Variants in TMEM132D observed in about 807,000 individuals in gnomAD.
The protein encoded by TMEM132D is transmembrane protein 132D.
Under a neutral mutation model 62.3 loss-of-function variants are expected in TMEM132D, and 21 were observed. The observed-to-expected ratio is 0.34, with a 90% CI of 0.24 to 0.49. The LOEUF is 0.49. Ranked by LOEUF, TMEM132D falls within the 20% of genes least tolerant of loss-of-function variation. TMEM132D has a pLI of 0.99. For synonymous variants in TMEM132D, 621 were observed against 575.6 expected (o/e 1.08, Z -1.13); for missense variants, 1,346 against 1,402.8 (o/e 0.96, Z 0.65).
At chr12:129,593,141 G>A (rs575812633) in intron 2 of TMEM132D, among the ~76,000 whole-genome samples, 27 of 152,160 alleles carry the variant, frequency 1.8e-4, no homozygotes, top group Admixed American at 1.2e-3. Flanking sequence ...AAGGTTAATC[G>A]TTTAGAAACA....
chr12:129,377,515 A>G (rs1245875018), intron 3 of TMEM132D, among the ~76,000 whole-genome samples: 1 of 152,182 alleles, frequency 6.6e-6, no homozygotes, highest in Non-Finnish European at 1.5e-5. Context: ...TGCTGTTAAA[A>G]CAAACAGCAG....
intron 4 of TMEM132D, among the ~76,000 whole-genome samples, chr12:129,229,138 C>T (rs1044189814): frequency 3.9e-5 from 6 of 152,180 alleles, no homozygotes; most frequent in Non-Finnish European, 8.8e-5. Context: ...GTTCCAACAA[C>T]GGAGGCTAAA....
At chr12:129,104,048 G>T (rs1317620060) in intron 5 of TMEM132D, among the ~76,000 whole-genome samples, 3 of 151,204 alleles carry the variant, frequency 2.0e-5, no homozygotes, top group Non-Finnish European at 2.9e-5. Context: ...CTACTTTAAA[G>T]TTCATATGGA....
chr12:129,396,980 AT>A (rs1311268905), intron 3 of TMEM132D, among the ~76,000 whole-genome samples: 21 of 152,162 alleles, frequency 1.4e-4, no homozygotes, highest in Non-Finnish European at 2.5e-4. Context: ...GTGACTTAAA[AT>A]TTGTTTTCAC....
intron 3 of TMEM132D, among the ~76,000 whole-genome samples, chr12:129,480,225 C>G (rs941495359): frequency 6.6e-6 from 1 of 152,210 alleles, no homozygotes; most frequent in Non-Finnish European, 1.5e-5. Context: ...GTGCATGGAG[C>G]TGCAGAGGGG....
chr12:129,810,136 A>C (rs779764754), intron 1 of TMEM132D, among the ~76,000 whole-genome samples: 1 of 152,198 alleles, frequency 6.6e-6, no homozygotes, highest in Non-Finnish European at 1.5e-5. Flanking sequence ...GTGCCGTATC[A>C]CTAGCATTTT....
chr12:129,213,925 A>C (rs1329495080), intron 4 of TMEM132D, among the ~76,000 whole-genome samples: 1 of 152,180 alleles, frequency 6.6e-6, no homozygotes, highest in Admixed American at 6.5e-5. Context: ...ATTGAAATCT[A>C]TTATGATGTA....
chr12:129,789,057 A>C (rs1404431422), intron 1 of TMEM132D, among the ~76,000 whole-genome samples: 1 of 152,148 alleles, frequency 6.6e-6, no homozygotes, highest in Non-Finnish European at 1.5e-5. Context: ...TTAATCAGGA[A>C]TCAACAATTT....
At chr12:129,379,146 A>G (rs1870864673) in intron 3 of TMEM132D, among the ~76,000 whole-genome samples, 2 of 152,164 alleles carry the variant, frequency 1.3e-5, no homozygotes, top group African/African-American at 4.8e-5. Context: ...CCTGTCTTTC[A>G]GTACTGTTTA....
At chr12:129,286,608 T>C (rs1001037635) in intron 4 of TMEM132D, among the ~76,000 whole-genome samples, 1 of 152,184 alleles carries the variant, frequency 6.6e-6, no homozygotes, top group Non-Finnish European at 1.5e-5. Context: ...GCCTCTCTCA[T>C]TCGTAGGTTG....
chr12:129,469,109 C>T (rs193273165), intron 3 of TMEM132D, among the ~76,000 whole-genome samples: 263 of 152,310 alleles, frequency 1.7e-3, no homozygotes, highest in Non-Finnish European at 2.3e-3. Flanking sequence ...CAAGGACCTT[C>T]AGATCTAAGA....
chr12:129,112,223 G>A (rs1256910969), intron 5 of TMEM132D, among the ~76,000 whole-genome samples: 1 of 152,220 alleles, frequency 6.6e-6, no homozygotes, highest in Non-Finnish European at 1.5e-5. Context: ...GGCCTGCCTG[G>A]ATGCATTCTG....
At chr12:129,273,586 A>G (rs1435035887) in intron 4 of TMEM132D, among the ~76,000 whole-genome samples, 2 of 151,914 alleles carry the variant, frequency 1.3e-5, no homozygotes, top group Non-Finnish European at 2.9e-5. Flanking sequence ...TTATGCAGCC[A>G]TAACAGAGAA....
At chr12:129,643,668 C>T (rs529956192) in intron 2 of TMEM132D, among the ~76,000 whole-genome samples, 1 of 152,098 alleles carries the variant, frequency 6.6e-6, no homozygotes, top group Non-Finnish European at 1.5e-5. Flanking sequence ...TATTCAAAGT[C>T]CCCCCTCTGC....
At chr12:129,694,550 C>G (rs1047235816) in intron 2 of TMEM132D, among the ~76,000 whole-genome samples, 1 of 152,198 alleles carries the variant, frequency 6.6e-6, no homozygotes, top group Admixed American at 6.5e-5. Flanking sequence ...GCGCCTGTAA[C>G]AGTGGCTGAG....
intron 3 of TMEM132D, among the ~76,000 whole-genome samples, chr12:129,463,469 TG>T (rs201560116): frequency 0.29 from 30,190 of 105,920 alleles, 3,283 homozygotes; most frequent in South Asian, 0.45. Flanking sequence ...TATTTATTTA[TG>T]TATTATTATT....
At chr12:129,781,558 G>A (rs1871120841) in intron 1 of TMEM132D, among the ~76,000 whole-genome samples, 1 of 152,096 alleles carries the variant, frequency 6.6e-6, no homozygotes, top group Admixed American at 6.5e-5. Context: ...AGAGAGTCCT[G>A]GCCTAGTAGG....
chr12:129,773,884 A>G (rs936830392), intron 1 of TMEM132D, among the ~76,000 whole-genome samples: 1 of 152,116 alleles, frequency 6.6e-6, no homozygotes, highest in African/African-American at 2.4e-5. Context: ...AAATTTCTTA[A>G]TGCCTCCATT....
chr12:129,182,580 G>C (rs541034097), intron 5 of TMEM132D, among the ~76,000 whole-genome samples: 1 of 152,318 alleles, frequency 6.6e-6, no homozygotes, highest in South Asian at 2.1e-4. Flanking sequence ...AGTTGGTTGT[G>C]TTTTCTGTGA....
Sources: gnomAD v4.1 joint callset for allele counts (sites outside exome capture counted in the v4.1 genomes callset) on GRCh38, gnomAD v4.1.1 for gene constraint, MANE v1.5 for transcripts, NCBI Gene and HGNC (gene_info 2026-07-23, HGNC 2026-07-21) for gene names.